TBC1D4: variants seen among roughly 807,000 people sequenced by gnomAD.
The protein encoded by TBC1D4 is TBC1 domain family member 4, also known as TBC (Tre-2, BUB2, CDC16) domain-containing protein.
TBC1D4 carries 121 observed loss-of-function variants against 142.5 expected under a neutral mutation model. The ratio of observed to expected loss-of-function variants is 0.85; its 90% CI spans 0.73 to 0.99. The LOEUF (loss-of-function observed/expected upper bound fraction) is 0.99. Among genes scored for constraint, TBC1D4 ranks in the 50% least tolerant of loss-of-function variants. The pLI is 0.00. For missense variants in TBC1D4, 1,475 were observed against 1,606.6 expected, an observed-to-expected ratio of 0.92 and a Z score of 1.40; for synonymous variants, 630 against 628.2, an observed-to-expected ratio of 1.00 and a Z score of -0.04.
chr13:75,358,266 C>T (rs1882219513), intron 3 of TBC1D4, among the ~76,000 whole-genome samples: 1 of 152,126 alleles, frequency 6.6e-6, no homozygotes, highest in Non-Finnish European at 1.5e-5. Flanking sequence ...AGAATGACAC[C>T]ACAGCCTTAG....
intron 1 of TBC1D4, among the ~76,000 whole-genome samples, chr13:75,463,461 C>G (rs946419042): frequency 2.6e-5 from 4 of 152,070 alleles, no homozygotes; most frequent in Admixed American, 1.3e-4. Context: ...TTCCCAGGGC[C>G]CACACTGGAG....
At chr13:75,289,190 T>G in intron 19 of TBC1D4, 80 bp from the exon 20 acceptor site, 3 of 1,533,068 alleles carry the variant, frequency 2.0e-6, no homozygotes, top group Non-Finnish European at 2.7e-6. Flanking sequence ...GTATATTTCA[T>G]GTATATTTCC....
chr13:75,470,162 A>G (rs1035217903), intron 1 of TBC1D4, among the ~76,000 whole-genome samples: 6 of 152,178 alleles, frequency 3.9e-5, no homozygotes, highest in African/African-American at 1.2e-4. Flanking sequence ...AGGGGTTATC[A>G]ATTTTTTTTT....
chr13:75,321,414 T>C (rs1427400665), intron 11 of TBC1D4, among the ~76,000 whole-genome samples: 1 of 149,454 alleles, frequency 6.7e-6, no homozygotes, highest in Non-Finnish European at 1.5e-5. Flanking sequence ...TGGCTTAGAA[T>C]GAGGAAATAT....
At chr13:75,463,430 T>C (rs1168716401) in intron 1 of TBC1D4, among the ~76,000 whole-genome samples, 1 of 152,170 alleles carries the variant, frequency 6.6e-6, no homozygotes, top group Non-Finnish European at 1.5e-5. Flanking sequence ...TCCATCCCAA[T>C]GGCCCATTTT....
At chr13:75,462,802 C>T (rs1209036727) in intron 1 of TBC1D4, among the ~76,000 whole-genome samples, 2 of 152,100 alleles carry the variant, frequency 1.3e-5, no homozygotes, top group African/African-American at 2.4e-5. Context: ...CTCCTTGGCT[C>T]ATCACCATCA....
chr13:75,286,682 A>T lies in TBC1D4; in HGVS notation c.*110T>A, dbSNP rs1472960149. The T allele has an allele frequency of 9.4e-7, 1 of 1,064,774 alleles. No individual in the cohort carries two copies. The highest frequency in any genetic ancestry group is 2.0e-5 in the Admixed American group (1 of 50,156). 66.0% of individuals were successfully genotyped at this position (1,064,774 alleles called of 1,614,324 possible). A position where few individuals can be genotyped will look rare whatever the true frequency, so the allele number is the denominator to read the frequency against. On this transcript the variant is annotated 3_prime_UTR_variant, in exon 21 of 21. Transcript: ENST00000377636. ...CTGTGACTAGGCGCTCAGCACCAGTATTAGGTGGTTCCATCAGCTTCAGGG... is the reference window on the plus strand; with the variant it reads ...CTGTGACTAGGCGCTCAGCACCAGTTTTAGGTGGTTCCATCAGCTTCAGGG...
At chr13:75,357,998 TCTA>T (rs896512109) in intron 3 of TBC1D4, among the ~76,000 whole-genome samples, 7 of 11,812 alleles carry the variant, frequency 5.9e-4, no homozygotes, top group African/African-American at 1.5e-3. Context: ...CTTTTTTCTT[TCTA>T]TTTTTTTTTC....
chr13:75,368,691 T>C (rs777316100), intron 1 of TBC1D4, among the ~76,000 whole-genome samples: 1 of 152,132 alleles, frequency 6.6e-6, no homozygotes, highest in Admixed American at 6.6e-5. Flanking sequence ...AGTGATCAGA[T>C]AGAAAATATA....
chr13:75,467,501 C>T (rs948825081), intron 1 of TBC1D4, among the ~76,000 whole-genome samples: 4 of 152,174 alleles, frequency 2.6e-5, no homozygotes, highest in South Asian at 2.1e-4. Context: ...GACTCTCCTA[C>T]ACCATGTAAG....
rs1334316131 is a variant in TBC1D4 at position 75,294,864 on chromosome 13, GGCT to G, written c.3303_3305del (p.Ala1102del). 1.2e-6 allele frequency: 2 copies of G among 1,613,712 alleles called. No homozygotes were observed. Among genetic ancestry groups the G allele is most frequent in the Non-Finnish European group, 1.7e-6 (2 of 1,179,784 alleles). On this transcript the variant is annotated inframe_deletion, in exon 18 of 21. Coordinates refer to ENST00000377636, the MANE Select transcript of TBC1D4 (RefSeq NM_014832.5). ...ACAGGTATCTCTTACCAAAAACTCT[GGCT>G]ACAAATCCTAATGAAAACTGAGAGG...
chr13:75,419,546 A>G (rs1886073365), intron 1 of TBC1D4, among the ~76,000 whole-genome samples: 1 of 152,174 alleles, frequency 6.6e-6, no homozygotes, highest in Admixed American at 6.5e-5. Flanking sequence ...AAGGGGGATA[A>G]ATACTCTTCT....
chr13:75,373,221 T>C (rs762632919), intron 1 of TBC1D4, among the ~76,000 whole-genome samples: 4 of 152,220 alleles, frequency 2.6e-5, no homozygotes, highest in Non-Finnish European at 4.4e-5. Context: ...CAGAAACCTA[T>C]TTTTGTCCTG....
chr13:75,351,682 G>A (rs1881616219), intron 4 of TBC1D4, among the ~76,000 whole-genome samples: 1 of 146,170 alleles, frequency 6.8e-6, no homozygotes, highest in Non-Finnish European at 1.5e-5. Flanking sequence ...TGGTTTTTTT[G>A]TCCTTGCAAC....
intron 1 of TBC1D4, among the ~76,000 whole-genome samples, chr13:75,380,665 A>C (rs946340545): frequency 2.0e-5 from 3 of 152,166 alleles, no homozygotes; most frequent in East Asian, 3.9e-4. Flanking sequence ...TATGTGAAGA[A>C]GTGAAAAAAG....
At chr13:75,433,556 T>C (rs921704670) in intron 1 of TBC1D4, among the ~76,000 whole-genome samples, 7 of 152,204 alleles carry the variant, frequency 4.6e-5, no homozygotes, top group Non-Finnish European at 8.8e-5. Flanking sequence ...TGAATGCTCT[T>C]TAACCCATTA....
chr13:75,372,035 A>C (rs375402390), intron 1 of TBC1D4, among the ~76,000 whole-genome samples: 12 of 152,292 alleles, frequency 7.9e-5, no homozygotes, highest in Middle Eastern at 3.4e-3. Context: ...AGTTATCAAA[A>C]CAAGAAAGTA....
chr13:75,294,648 T>G (rs1875699053), intron 18 of TBC1D4, among the ~76,000 whole-genome samples: 1 of 152,176 alleles, frequency 6.6e-6, no homozygotes, highest in South Asian at 2.1e-4. Flanking sequence ...CAATTCCTCT[T>G]TCCTTTTTAA....
chr13:75,459,056 C>T (rs1887859112), intron 1 of TBC1D4, among the ~76,000 whole-genome samples: 1 of 152,226 alleles, frequency 6.6e-6, no homozygotes, highest in South Asian at 2.1e-4. Flanking sequence ...CATTCTCCCC[C>T]TTAACCTAAT....
Sources: allele counts gnomAD v4.1 joint callset (sites outside exome capture counted in the v4.1 genomes callset), GRCh38; gene constraint gnomAD v4.1.1; transcripts MANE v1.5; gene names NCBI Gene and HGNC (gene_info 2026-07-23, HGNC 2026-07-21).